MYH11: variants seen among roughly 807,000 people sequenced by gnomAD.
The protein encoded by MYH11 is myosin-11.
A neutral mutation model predicts 246.6 loss-of-function variants in MYH11; 80 were observed. That is an observed-to-expected ratio of 0.32 (90% CI 0.27 to 0.39). The LOEUF is 0.39. Ranked by LOEUF, MYH11 falls within the 10% of genes least tolerant of loss-of-function variation. MYH11 has a pLI of 1.00. For missense variants in MYH11, 2,158 were observed against 2,546.8 expected, an observed-to-expected ratio of 0.85 and a Z score of 3.29; for synonymous variants, 1,071 against 1,015.5, an observed-to-expected ratio of 1.05 and a Z score of -1.04.
chr16:15,777,960 A>C (rs2042261996), intron 7 of MYH11, among the ~76,000 whole-genome samples: 1 of 152,086 alleles, frequency 6.6e-6, no homozygotes, highest in South Asian at 2.1e-4. Flanking sequence ...AGGGCACATA[A>C]CGTGGAAAAA....
At chr16:15,842,635 G>T (rs1399986265) in intron 1 of MYH11, among the ~76,000 whole-genome samples, 2 of 151,034 alleles carry the variant, frequency 1.3e-5, no homozygotes, top group Admixed American at 6.6e-5. Flanking sequence ...TTGGTGGCAG[G>T]CACCTGTAAT....
In MYH11 at chr16:15,720,297, T is replaced by C; in HGVS notation, c.4807A>G (p.Thr1603Ala). Reference sequence around the variant, plus strand: ...TGCTTTCGCTCGTCTTCCAGTTCCGTCTCATACTCGTGAAGCTGGGCGAGG... The same window carrying C: ...TGCTTTCGCTCGTCTTCCAGTTCCGCCTCATACTCGTGAAGCTGGGCGAGG... Reference protein sequence around the residue: ...QLQRQLHEYETELEDERKQRA... With the variant: ...QLQRQLHEYEAELEDERKQRA... Residue 1603 changes from threonine (T) to alanine (A), a missense_variant, in exon 34 of 41, where the codon ACG becomes GCG. Transcript: ENST00000300036. 6.2e-7 allele frequency: 1 copy of C among 1,614,050 alleles called. No individual in the cohort carries two copies. The highest frequency in any genetic ancestry group is 8.5e-7 in the Non-Finnish European group (1 of 1,179,972).
chr16:15,761,673 T>A (rs1294677134), intron 10 of MYH11, among the ~76,000 whole-genome samples: 2 of 152,232 alleles, frequency 1.3e-5, no homozygotes, highest in Non-Finnish European at 2.9e-5. Context: ...CTGCTTTGCA[T>A]GTGCAAGGCA....
chr16:15,836,492 C>A (rs976557352), intron 2 of MYH11, among the ~76,000 whole-genome samples: 3 of 152,118 alleles, frequency 2.0e-5, no homozygotes, highest in Admixed American at 6.5e-5. Context: ...CTCCATCTCC[C>A]AGGTTCAAGC....
At chr16:15,792,807 GC>G (rs1321410139) in intron 4 of MYH11, 4 of 151,914 alleles carry the variant, frequency 2.6e-5, no homozygotes, top group Admixed American at 2.0e-4. Context: ...TTGGCTCAGT[GC>G]CAACTTTCTG....
At chr16:15,755,784 T>C (rs751792209) in intron 14 of MYH11, among the ~76,000 whole-genome samples, 8 of 152,052 alleles carry the variant, frequency 5.3e-5, no homozygotes, top group Non-Finnish European at 8.8e-5. Context: ...ATACAAAAAT[T>C]AGCTGGGTGT....
At chr16:15,725,181 G>A in intron 28 of MYH11, 189 bp from the exon 29 acceptor site, 1 of 630,336 alleles carries the variant, frequency 1.6e-6, no homozygotes, top group South Asian at 1.9e-5. Flanking sequence ...CAGAATCTGT[G>A]GCTTGAAGGG....
chr16:15,718,543 G>C (rs2040295232), intron 36 of MYH11, 105 bp from the exon 37 acceptor site: 2 of 1,444,636 alleles, frequency 1.4e-6, no homozygotes, highest in East Asian at 5.0e-5. Flanking sequence ...TCATCTAATG[G>C]GTGAAACTGA....
At chr16:15,814,340 G>C (rs2043209615) in intron 3 of MYH11, among the ~76,000 whole-genome samples, 3 of 151,760 alleles carry the variant, frequency 2.0e-5, no homozygotes, top group Admixed American at 2.0e-4. Flanking sequence ...ATCACCTAAG[G>C]TCGGGAGTTC....
rs769211342 is a variant in MYH11 at position 15,704,058 on chromosome 16, G to A, written c.5852C>T (p.Ala1951Val). ...GTCCGTTTCCTCCTCAGAACCATCT[G>A]CATTTTCAATAACTCTACGTCCTCC... ...RSGGRRVIEN[A>V]DGSEEETDTR... The change falls in exon 41 of 41, where the codon GCA becomes GTA. Residue 1951 changes from alanine (A) to valine (V), a missense_variant. By Grantham distance (64) the Ala-to-Val change is moderately conservative. Coordinates refer to ENST00000300036, the MANE Select transcript of MYH11 (RefSeq NM_002474.3). 29 of 1,613,924 alleles carry A rather than the reference G, an allele frequency of 1.8e-5. No individual in the cohort carries two copies. Among genetic ancestry groups the A allele is most frequent in the Non-Finnish European group, 2.0e-5 (24 of 1,180,002 alleles).
At chr16:15,722,544 G>A (rs948631624) in intron 31 of MYH11, among the ~76,000 whole-genome samples, 1 of 152,192 alleles carries the variant, frequency 6.6e-6, no homozygotes, top group African/African-American at 2.4e-5. Flanking sequence ...TACACTCTAT[G>A]TGACAGGAAA....
intron 13 of MYH11, among the ~76,000 whole-genome samples, chr16:15,757,523 A>AAGAGGATGGAAGGAAGGCAGAAATTAAAG (rs2041758262): frequency 6.7e-6 from 1 of 149,998 alleles, no homozygotes; most frequent in African/African-American, 2.4e-5. Flanking sequence ...AAAAAAAAAA[A>AAGAGGATGGAAGGAAGGCAGAAATTAAAG]AAAAAAAAAA....
chr16:15,793,912 G>GGT, intron 4 of MYH11, among the ~76,000 whole-genome samples: 1 of 132,940 alleles, frequency 7.5e-6, no homozygotes, highest in East Asian at 2.4e-4. Context: ...CGTGAGCCAC[G>GGT]GTGCGTGGCC....
chr16:15,748,443 G>A (rs889660617), intron 16 of MYH11, among the ~76,000 whole-genome samples: 10 of 152,080 alleles, frequency 6.6e-5, no homozygotes, highest in Admixed American at 1.3e-4. Flanking sequence ...TCATCACCTC[G>A]TCTCCCTCAC....
chr16:15,782,117 G>C (rs576576572), intron 6 of MYH11, among the ~76,000 whole-genome samples: 41 of 152,268 alleles, frequency 2.7e-4, no homozygotes, highest in African/African-American at 9.6e-4. Context: ...CTGGGCTCAA[G>C]TGATCCTCCC....
At position 15,745,255 on chromosome 16, in the gene MYH11, G is replaced by A. The variant is rs778104759; in HGVS notation, c.2412-18C>T. ...CAAAAGCCCTAGGGAGGGGGGAAGA[G>A]AAGGTGCGGGGGTCATGAAGCCACA... On this transcript the variant is annotated intron_variant, in intron 19 of 40. Coordinates refer to ENST00000300036, the MANE Select transcript of MYH11 (RefSeq NM_002474.3). The A allele has an allele frequency of 3.8e-6, 6 of 1,576,494 alleles. No individual in the cohort carries two copies. The South Asian group carries it at 5.5e-5, about 15-fold the overall frequency.
intron 16 of MYH11, among the ~76,000 whole-genome samples, chr16:15,748,911 A>G (rs2041492274): frequency 6.6e-6 from 1 of 152,036 alleles, no homozygotes; most frequent in South Asian, 2.1e-4. Context: ...GAGCTAGCAT[A>G]TGCCCAGCCC....
chr16:15,814,553 C>CAAAAAAAAAAAAAAAAAAAAAAAAAA (rs58806731), intron 3 of MYH11, among the ~76,000 whole-genome samples: 1 of 22,826 alleles, frequency 4.4e-5, no homozygotes, highest in African/African-American at 8.7e-5. Flanking sequence ...AACTCCATCT[C>CAAAAAAAAAAAAAAAAAAAAAAAAAA]AAAAAAAAAA....
intron 37 of MYH11, chr16:15,717,652 G>A (rs572173449): frequency 1.8e-4 from 85 of 477,120 alleles, no homozygotes; most frequent in Middle Eastern, 1.2e-3. Flanking sequence ...AAAATTAGCC[G>A]GGCAGTGGTG....
Sources: gnomAD v4.1 joint callset for allele counts (sites outside exome capture counted in the v4.1 genomes callset) on GRCh38, gnomAD v4.1.1 for gene constraint, MANE v1.5 for transcripts, NCBI Gene and HGNC (gene_info 2026-07-23, HGNC 2026-07-21) for gene names.